Variants in ZFAND6 observed in about 807,000 individuals in gnomAD.
ZFAND6 encodes the protein zinc finger AN1-type containing 6, also known as AN1-type zinc finger protein 6.
Under a neutral mutation model 24.5 loss-of-function variants are expected in ZFAND6, and 12 were observed. The observed-to-expected ratio is 0.49, with a 90% CI of 0.31 to 0.79. ZFAND6 has a LOEUF of 0.79. Ranked by LOEUF, ZFAND6 falls within the 30% of genes least tolerant of loss-of-function variation. The pLI is 0.04. For synonymous variants in ZFAND6, 92 were observed against 81.5 expected (o/e 1.13, Z -0.69); for missense variants, 207 against 245.9 (o/e 0.84, Z 1.06).
chr15:80,070,658 T>G (rs1449678217), intron 1 of ZFAND6, among the ~76,000 whole-genome samples: 1 of 152,224 alleles, frequency 6.6e-6, no homozygotes, highest in African/African-American at 2.4e-5. Context: ...GTGGTCTTGG[T>G]GTTATATTAG....
At chr15:80,118,185 G>C (rs528235137) in intron 2 of ZFAND6, among the ~76,000 whole-genome samples, 1 of 151,990 alleles carries the variant, frequency 6.6e-6, no homozygotes, top group Non-Finnish European at 1.5e-5. Context: ...GTAGTGGTGC[G>C]ATCCCGGCTC....
intron 1 of ZFAND6, among the ~76,000 whole-genome samples, chr15:80,090,118 C>G (rs2038263750): frequency 6.6e-6 from 1 of 152,184 alleles, no homozygotes; most frequent in Non-Finnish European, 1.5e-5. Flanking sequence ...ATTCCTTATT[C>G]AAATCATACT....
intron 1 of ZFAND6, among the ~76,000 whole-genome samples, chr15:80,091,160 G>GTGTGTGTGTGTGTGT (rs1555430411): frequency 6.7e-6 from 1 of 150,166 alleles, no homozygotes; most frequent in African/African-American, 2.4e-5. Context: ...GTTGTTAAGG[G>GTGTGTGTGTGTGTGT]GTGTGTGTGT....
chr15:80,072,883 A>C (rs1420701817), intron 1 of ZFAND6, among the ~76,000 whole-genome samples: 3 of 152,014 alleles, frequency 2.0e-5, no homozygotes, highest in South Asian at 2.1e-4. Context: ...TCATTAAAAC[A>C]TCTTAGACTC....
At chr15:80,110,030 A>G (rs2141978291) in intron 2 of ZFAND6, among the ~76,000 whole-genome samples, 1 of 152,334 alleles carries the variant, frequency 6.6e-6, no homozygotes, top group Admixed American at 6.5e-5. Context: ...GCTGTTGGCC[A>G]GAGACCTCAG....
At chr15:80,079,223 C>G (rs1596209150) in intron 1 of ZFAND6, among the ~76,000 whole-genome samples, 1 of 152,144 alleles carries the variant, frequency 6.6e-6, no homozygotes, top group East Asian at 1.9e-4. Context: ...TCTGTTCTTT[C>G]TTTCCTTTTT....
At chr15:80,132,276 A>G (rs1295905569) in intron 6 of ZFAND6, among the ~76,000 whole-genome samples, 1 of 152,196 alleles carries the variant, frequency 6.6e-6, no homozygotes, top group Non-Finnish European at 1.5e-5. Context: ...TTTTTTAATT[A>G]AGAAGAGTTA....
chr15:80,108,249 G>A (rs1387808309), intron 2 of ZFAND6, among the ~76,000 whole-genome samples: 1 of 152,096 alleles, frequency 6.6e-6, no homozygotes, highest in Non-Finnish European at 1.5e-5. Flanking sequence ...TTTAAAATTA[G>A]GGAAGGACAT....
At chr15:80,091,160 G>GGT (rs61706731) in intron 1 of ZFAND6, among the ~76,000 whole-genome samples, 21,646 of 150,168 alleles carry the variant, frequency 0.14, 1,884 homozygotes, top group African/African-American at 0.25. Flanking sequence ...GTTGTTAAGG[G>GGT]GTGTGTGTGT....
At chr15:80,096,791 C>A (rs569865603) in intron 1 of ZFAND6, among the ~76,000 whole-genome samples, 1 of 151,974 alleles carries the variant, frequency 6.6e-6, no homozygotes, top group South Asian at 2.1e-4. Context: ...AAGGTATAGC[C>A]CAGTGTACAT....
intron 2 of ZFAND6, among the ~76,000 whole-genome samples, chr15:80,116,762 ATTAT>A (rs2039894625): frequency 6.6e-6 from 1 of 152,148 alleles, no homozygotes; most frequent in Admixed American, 6.5e-5. Context: ...TTCTTAAAGC[ATTAT>A]TTATATATTT....
chr15:80,094,495 C>G (rs568907958), intron 1 of ZFAND6, among the ~76,000 whole-genome samples: 3 of 147,128 alleles, frequency 2.0e-5, no homozygotes, highest in Non-Finnish European at 4.5e-5. Flanking sequence ...AAAACACACA[C>G]GGAAAATTTG....
intron 1 of ZFAND6, among the ~76,000 whole-genome samples, chr15:80,083,477 T>C (rs192916991): frequency 7.9e-5 from 12 of 152,300 alleles, no homozygotes; most frequent in South Asian, 4.1e-4. Context: ...CAGATTATCA[T>C]TGGAGCAGAG....
intron 2 of ZFAND6, among the ~76,000 whole-genome samples, chr15:80,103,809 G>C (rs1363544143): frequency 6.6e-6 from 1 of 152,038 alleles, no homozygotes; most frequent in Non-Finnish European, 1.5e-5. Flanking sequence ...ACTTTATGAA[G>C]GATTGCCTAA....
At chr15:80,061,452 C>T (rs1407570067) in intron 1 of ZFAND6, among the ~76,000 whole-genome samples, 1 of 152,154 alleles carries the variant, frequency 6.6e-6, no homozygotes, top group African/African-American at 2.4e-5. Flanking sequence ...TGACTCCCCC[C>T]AAACCCAAAA....
At chr15:80,079,307 G>A (rs1005283882) in intron 1 of ZFAND6, among the ~76,000 whole-genome samples, 6 of 151,594 alleles carry the variant, frequency 4.0e-5, no homozygotes, top group African/African-American at 1.5e-4. Context: ...TGCAAGCTCC[G>A]CCTCCTGGGT....
chr15:80,083,682 GGA>G, intron 1 of ZFAND6, among the ~76,000 whole-genome samples: 2 of 152,266 alleles, frequency 1.3e-5, no homozygotes, highest in Admixed American at 1.3e-4. Context: ...GCCAATGTCA[GGA>G]GTTTGAGACT....
chr15:80,083,570 A>G (rs931362494), intron 1 of ZFAND6, among the ~76,000 whole-genome samples: 9 of 152,216 alleles, frequency 5.9e-5, no homozygotes, highest in Admixed American at 3.9e-4. Context: ...GATGTTAGGT[A>G]AGCCTTGTAA....
intron 1 of ZFAND6, among the ~76,000 whole-genome samples, chr15:80,062,006 G>C (rs1596163448): frequency 6.6e-6 from 1 of 151,594 alleles, no homozygotes; most frequent in African/African-American, 2.4e-5. Context: ...TATGTGTAAT[G>C]ACTCTCTTAC....
Sources: gnomAD v4.1 joint callset for allele counts (sites outside exome capture counted in the v4.1 genomes callset) on GRCh38, gnomAD v4.1.1 for gene constraint, MANE v1.5 for transcripts, NCBI Gene and HGNC (gene_info 2026-07-23, HGNC 2026-07-21) for gene names.